The following EPHB2 variants were observed in gnomAD, a reference collection of about 807,000 sequenced individuals.
EPHB2 encodes ephrin type-B receptor 2.
EPHB2 carries 18 observed loss-of-function variants against 96.4 expected under a neutral mutation model. That is an observed-to-expected ratio of 0.19 (90% CI 0.13 to 0.28). EPHB2 has a LOEUF of 0.28. Among genes scored for constraint, EPHB2 ranks in the 10% least tolerant of loss-of-function variants. The probability of loss-of-function intolerance (pLI) is 1.00; values close to 1 mark genes in which losing one functional copy is unlikely to be tolerated. For synonymous variants in EPHB2, 506 were observed against 534.1 expected (o/e 0.95, Z 0.72); for missense variants, 989 against 1,355.4 (o/e 0.73, Z 4.25).
In EPHB2 at chr1:22,842,516, A is replaced by G. The variant is rs117419974; in HGVS notation, c.812-20521A>G. 3.1e-4 allele frequency among the ~76,000 whole-genome samples: 47 copies of G among 151,942 alleles called. No homozygotes were observed. The East Asian group carries it at 9.0e-3, about 29-fold the overall frequency. ...TCCTCCCTGGCCACCCTGTGCCCCCATAGCCCATTCCTCACTCAGCAGACA... is the reference window on the plus strand; with the variant it reads ...TCCTCCCTGGCCACCCTGTGCCCCCGTAGCCCATTCCTCACTCAGCAGACA... On this transcript the variant is annotated intron_variant, in intron 3 of 15. Transcript: ENST00000374630.
At chr1:22,842,192 C>G (rs1476878967) in intron 3 of EPHB2, among the ~76,000 whole-genome samples, 1 of 151,924 alleles carries the variant, frequency 6.6e-6, no homozygotes, top group African/African-American at 2.4e-5. Flanking sequence ...GCCAGCCCCC[C>G]AGGCACCTGT....
intron 1 of EPHB2, among the ~76,000 whole-genome samples, chr1:22,749,034 C>A (rs202103076): frequency 1.4e-5 from 2 of 137,952 alleles, no homozygotes; most frequent in Admixed American, 7.3e-5. Context: ...TTTTTTTTTT[C>A]TTTTGAGATG....
Position 22,784,757 on chromosome 1 carries a change from G to C in EPHB2, c.492G>C (p.Arg164=). 4.3e-6 allele frequency: 7 copies of C among 1,611,572 alleles called. No homozygotes were observed. Among genetic ancestry groups the C allele is most frequent in the Non-Finnish European group, 5.1e-6 (6 of 1,178,042 alleles). Residue 164 remains arginine (R), a synonymous_variant, in exon 3 of 16, where the codon CGG becomes CGC. Coordinates refer to ENST00000374630, the MANE Select transcript of EPHB2 (RefSeq NM_017449.5). The surrounding 1 kb of genome is among the most constrained non-coding windows in gnomAD (Gnocchi z 5.1). ...TCATGAAAATCAACACCGAGGTGCG[G>C]AGCTTCGGACCTGTGTCCCGCAGCG... ...GRVMKINTEV[R]SFGPVSRSGF...
In EPHB2 at chr1:22,862,941, G is replaced by A. The variant is rs1007935799; in HGVS notation, c.812-96G>A. The A allele has an allele frequency of 1.9e-5, 29 of 1,520,356 alleles. No individual in the cohort carries two copies. In the East Asian group the frequency reaches 2.9e-4, roughly 15 times the overall value. The allele number at this position is 1,520,356 out of a possible 1,614,324, so 94.2% of individuals were successfully genotyped here. A position where few individuals can be genotyped will look rare whatever the true frequency, so the allele number is the denominator to read the frequency against. On this transcript the variant is annotated intron_variant, in intron 3 of 15. Coordinates refer to ENST00000374630, the MANE Select transcript of EPHB2 (RefSeq NM_017449.5). Reference sequence around the variant, plus strand: ...AGCAGTGGTGCTGCATGGCCCCTCCGCGAGGCTGTGTGGCCCCTCCGTGAG... The same window carrying A: ...AGCAGTGGTGCTGCATGGCCCCTCCACGAGGCTGTGTGGCCCCTCCGTGAG...
intron 1 of EPHB2, among the ~76,000 whole-genome samples, chr1:22,756,449 C>T (rs1644152029): frequency 6.6e-6 from 1 of 152,124 alleles, no homozygotes; most frequent in Admixed American, 6.5e-5. Context: ...GACCCTGAGT[C>T]CCGCCTGAGG....
At chr1:22,825,008 G>A (rs1429957096) in intron 3 of EPHB2, among the ~76,000 whole-genome samples, 1 of 152,244 alleles carries the variant, frequency 6.6e-6, no homozygotes, top group East Asian at 1.9e-4. Context: ...TCTCAAGGAA[G>A]TATTCTCAAG....
At chr1:22,727,437 C>T (rs1643604964) in intron 1 of EPHB2, among the ~76,000 whole-genome samples, 1 of 152,258 alleles carries the variant, frequency 6.6e-6, no homozygotes, top group South Asian at 2.1e-4. Flanking sequence ...CTGTCCCACC[C>T]TGCCCACTTC....
At position 22,772,211 on chromosome 1, in the gene EPHB2, C is replaced by A. The variant is rs936223632; in HGVS notation, c.62-9210C>A. Among the ~76,000 whole-genome samples, 3 of 152,338 alleles carry A rather than the reference C, an allele frequency of 2.0e-5. No individual in the cohort carries two copies. In the East Asian group the frequency reaches 5.8e-4, roughly 29 times the overall value. ...CGCTGTTAGTGAGCAGCCAGGCTGGCCCGGAGGATTGGGTTTCAGCCGGGG... is the reference window on the plus strand; with the variant it reads ...CGCTGTTAGTGAGCAGCCAGGCTGGACCGGAGGATTGGGTTTCAGCCGGGG... On this transcript the variant is annotated intron_variant, in intron 1 of 15. Transcript: ENST00000374630.
intron 1 of EPHB2, among the ~76,000 whole-genome samples, chr1:22,740,969 G>A (rs958796601): frequency 2.0e-5 from 3 of 152,010 alleles, no homozygotes; most frequent in Non-Finnish European, 4.4e-5. Flanking sequence ...CCGTCCCTGC[G>A]ATGCCAAGCC....
At chr1:22,761,079 C>T (rs1644228911) in intron 1 of EPHB2, among the ~76,000 whole-genome samples, 1 of 152,098 alleles carries the variant, frequency 6.6e-6, no homozygotes, top group African/African-American at 2.4e-5. Context: ...ACCTGGGAGG[C>T]TTGTGGAAAA....
chr1:22,734,923 G>A (rs534152431), intron 1 of EPHB2, among the ~76,000 whole-genome samples: 1 of 152,302 alleles, frequency 6.6e-6, no homozygotes, highest in African/African-American at 2.4e-5. Flanking sequence ...ATACAACTTT[G>A]TTTTATTGAG....
chr1:22,760,772 A>G (rs1193322464), intron 1 of EPHB2, among the ~76,000 whole-genome samples: 4 of 152,118 alleles, frequency 2.6e-5, no homozygotes, highest in Admixed American at 2.6e-4. Flanking sequence ...CCATCATCCC[A>G]TCTGTACACC....
intron 1 of EPHB2, among the ~76,000 whole-genome samples, chr1:22,730,027 A>G (rs1289328513): frequency 6.6e-6 from 1 of 152,140 alleles, no homozygotes; most frequent in Admixed American, 6.5e-5. Context: ...AATTGAACGG[A>G]GTGGGATTGA....
intron 12 of EPHB2, 64 bp downstream of exon 12, chr1:22,908,232 C>T: frequency 6.3e-7 from 1 of 1,586,504 alleles, no homozygotes; most frequent in African/African-American, 1.3e-5. Context: ...GTGTCCATCT[C>T]TCCCTGCAAG....
chr1:22,759,000 T>G (rs560429163), intron 1 of EPHB2, among the ~76,000 whole-genome samples: 1 of 151,746 alleles, frequency 6.6e-6, no homozygotes, highest in South Asian at 2.1e-4. Flanking sequence ...AGATGAATGA[T>G]GGATGGATGG....
chr1:22,886,753 A>G (rs2148557941), intron 6 of EPHB2, among the ~76,000 whole-genome samples: 1 of 151,612 alleles, frequency 6.6e-6, no homozygotes, highest in East Asian at 1.9e-4. Context: ...CAGCCTTGCA[A>G]GTAGCTGGAA....
In EPHB2 at chr1:22,906,039, C is replaced by T. The variant is rs137975389; in HGVS notation, c.1818C>T (p.Asn606=). The change falls in exon 10 of 16, where the codon AAC becomes AAT. Residue 606 remains asparagine, a synonymous_variant. Transcript: ENST00000374630. The surrounding 1 kb of genome is among the most constrained non-coding windows in gnomAD (Gnocchi z 4.8). ...ATCCTTTCACCTACGAGGACCCCAA[C>T]GAGGCAGTGCGGGAGTTTGCCAAGG... ...YIDPFTYEDP[N]EAVREFAKEI... 1.3e-4 allele frequency: 211 copies of T among 1,614,068 alleles called. No individual in the cohort carries two copies. In the Middle Eastern group the frequency reaches 2.3e-3, roughly 18 times the overall value.
chr1:22,737,318 C>G (rs1366784519), intron 1 of EPHB2, among the ~76,000 whole-genome samples: 1 of 152,196 alleles, frequency 6.6e-6, no homozygotes, highest in Non-Finnish European at 1.5e-5. Flanking sequence ...CTGCTCAGAC[C>G]TTGGGCTCCT....
chr1:22,768,496 G>T (rs985119991), intron 1 of EPHB2, among the ~76,000 whole-genome samples: 14 of 152,024 alleles, frequency 9.2e-5, no homozygotes. Context: ...AGACCAGCAT[G>T]GGGAACATAG....
Sources: allele counts gnomAD v4.1 joint callset (sites outside exome capture counted in the v4.1 genomes callset), GRCh38; gene constraint gnomAD v4.1.1; non-coding constraint Gnocchi (gnomAD v3.1); transcripts MANE v1.5; gene names NCBI Gene and HGNC (gene_info 2026-07-23, HGNC 2026-07-21).